The following RNF217 variants were observed in gnomAD, a reference collection of about 807,000 sequenced individuals.
The protein encoded by RNF217 is ring finger protein 217.
In RNF217, 31 loss-of-function variants were observed where a neutral mutation model predicts 57.8. That is an observed-to-expected ratio of 0.54 (90% CI 0.40 to 0.72). RNF217 has a LOEUF of 0.72. Ranked by LOEUF, RNF217 falls within the 30% of genes least tolerant of loss-of-function variation. The probability of loss-of-function intolerance (pLI) is 0.00; values close to 1 mark genes in which losing one functional copy is unlikely to be tolerated. For missense variants in RNF217, 696 were observed against 708.3 expected, an observed-to-expected ratio of 0.98 and a Z score of 0.20; for synonymous variants, 313 against 294.0, an observed-to-expected ratio of 1.06 and a Z score of -0.66.
rs902915278 is a variant in RNF217 at position 125,091,801 on chromosome 6, A to T, written c.*8864A>T. On this transcript the variant is annotated 3_prime_UTR_variant, in exon 6 of 6. Coordinates refer to ENST00000521654, the MANE Select transcript of RNF217 (RefSeq NM_001286398.3). ...ATATACTTTCATACAGATGCTAGAG[A>T]ACCATGGTGTCTGCTATTTACATGT... The T allele has an allele frequency of 6.6e-6, 1 of 152,138 alleles. No homozygotes were observed. The highest frequency in any genetic ancestry group is 1.5e-5 in the Non-Finnish European group (1 of 68,012). 9.4% of individuals were successfully genotyped at this position (152,138 alleles called of 1,614,324 possible).
At chr6:124,970,097 A>G (rs1783706494) in intron 1 of RNF217, among the ~76,000 whole-genome samples, 1 of 152,196 alleles carries the variant, frequency 6.6e-6, no homozygotes, top group Non-Finnish European at 1.5e-5. Flanking sequence ...AGGAGTGGGG[A>G]AAGCTGGTCG....
intron 1 of RNF217, among the ~76,000 whole-genome samples, chr6:125,028,498 G>A (rs1474589074): frequency 6.6e-6 from 1 of 151,918 alleles, no homozygotes; most frequent in Non-Finnish European, 1.5e-5. Context: ...TGAATATAGT[G>A]CAAAATTTCT....
At chr6:125,018,095 A>G (rs1376408965) in intron 1 of RNF217, among the ~76,000 whole-genome samples, 2 of 152,204 alleles carry the variant, frequency 1.3e-5, no homozygotes, top group Non-Finnish European at 2.9e-5. Context: ...GAATTGTTTA[A>G]GAAAAGTTGT....
At chr6:125,033,830 A>G (rs1332000179) in intron 1 of RNF217, among the ~76,000 whole-genome samples, 2 of 151,796 alleles carry the variant, frequency 1.3e-5, no homozygotes, top group African/African-American at 2.4e-5. Flanking sequence ...AAGTGTTCCT[A>G]TTTCTCCACA....
At position 125,081,516 on chromosome 6, in the gene RNF217, C is replaced by A. The variant is rs1017455533; in HGVS notation, c.1555+9C>A. The A allele has an allele frequency of 6.3e-7, 1 of 1,599,492 alleles. No homozygotes were observed. Among genetic ancestry groups the A allele is most frequent in the African/African-American group, 1.3e-5 (1 of 74,610 alleles). On this transcript the variant is annotated intron_variant, in intron 5 of 5. Transcript: ENST00000521654. ...CATAGCGGTTGTAATCGGTAAGAAA[C>A]ACTTCATGCATCTGAGATTAGAATT...
At chr6:125,015,808 A>G (rs1253461384) in intron 1 of RNF217, among the ~76,000 whole-genome samples, 2 of 152,132 alleles carry the variant, frequency 1.3e-5, no homozygotes, top group Non-Finnish European at 2.9e-5. Flanking sequence ...TTGCTGTACT[A>G]TTTCTAAGAA....
At chr6:125,050,583 T>C (rs1048479097) in intron 2 of RNF217, among the ~76,000 whole-genome samples, 3 of 152,012 alleles carry the variant, frequency 2.0e-5, no homozygotes, top group Non-Finnish European at 4.4e-5. Context: ...AATCGGTTGT[T>C]GCGAACTGGT....
chr6:125,007,292 C>CTGGT (rs1036713153), intron 1 of RNF217, among the ~76,000 whole-genome samples: 2 of 149,464 alleles, frequency 1.3e-5, no homozygotes, highest in Admixed American at 1.3e-4. Context: ...GTTGCCCAGG[C>CTGGT]TGGTGTGCAG....
At chr6:124,967,537 T>A (rs146748778) in intron 1 of RNF217, among the ~76,000 whole-genome samples, 259 of 152,224 alleles carry the variant, frequency 1.7e-3, no homozygotes, top group African/African-American at 5.8e-3. Flanking sequence ...TGCCTAAAAG[T>A]GCTAGAGATT....
chr6:125,004,343 G>A (rs1785091931), intron 1 of RNF217, among the ~76,000 whole-genome samples: 1 of 152,138 alleles, frequency 6.6e-6, no homozygotes, highest in Non-Finnish European at 1.5e-5. Flanking sequence ...CTCCATCCTA[G>A]TTAAGTGCCA....
At chr6:125,015,276 A>G (rs1422796642) in intron 1 of RNF217, among the ~76,000 whole-genome samples, 1 of 152,312 alleles carries the variant, frequency 6.6e-6, no homozygotes, top group East Asian at 1.9e-4. Flanking sequence ...TATCTTCATT[A>G]GATGTATTGA....
At chr6:125,054,148 C>G (rs888513451) in intron 2 of RNF217, among the ~76,000 whole-genome samples, 1 of 152,062 alleles carries the variant, frequency 6.6e-6, no homozygotes, top group African/African-American at 2.4e-5. Context: ...ACATCTACAT[C>G]CCTAATGGAA....
At chr6:125,063,064 A>G (rs1024128392) in intron 3 of RNF217, among the ~76,000 whole-genome samples, 1 of 152,196 alleles carries the variant, frequency 6.6e-6, no homozygotes. Flanking sequence ...AACCAAGTCT[A>G]GTTCGTAATA....
chr6:124,977,732 A>G (rs919385811), intron 1 of RNF217, among the ~76,000 whole-genome samples: 7 of 152,226 alleles, frequency 4.6e-5, no homozygotes, highest in African/African-American at 1.7e-4. Context: ...GTGCACAGTC[A>G]TATCATAAAG....
At chr6:124,966,910 T>G (rs1333989974) in intron 1 of RNF217, among the ~76,000 whole-genome samples, 2 of 152,242 alleles carry the variant, frequency 1.3e-5, no homozygotes, top group Admixed American at 6.5e-5. Flanking sequence ...TATAGTTTTG[T>G]TTTTCAAAAC....
chr6:125,001,783 G>T (rs1247863664), intron 1 of RNF217, among the ~76,000 whole-genome samples: 1 of 152,168 alleles, frequency 6.6e-6, no homozygotes. Context: ...TATTTGTGCT[G>T]AGAGAGGGAA....
chr6:125,090,360 A>G lies in RNF217; in HGVS notation c.*7423A>G, dbSNP rs1788900605. 1 of 152,082 alleles carries G rather than the reference A, an allele frequency of 6.6e-6. No individual in the cohort carries two copies. The highest frequency in any genetic ancestry group is 2.1e-4 in the South Asian group (1 of 4,832). 9.4% of individuals were successfully genotyped at this position (152,082 alleles called of 1,614,324 possible). On this transcript the variant is annotated 3_prime_UTR_variant, in exon 6 of 6. Transcript: ENST00000521654. ...GATGTTAAAATGTTAACAAAGAACCAGTTGTTTTGATTCTATTTTAAACAA... is the reference window on the plus strand; with the variant it reads ...GATGTTAAAATGTTAACAAAGAACCGGTTGTTTTGATTCTATTTTAAACAA...
At position 124,963,414 on chromosome 6, in the gene RNF217, C is replaced by T; in HGVS notation, c.870C>T (p.Tyr290=). ...KAVCEECLKV[Y]LSAQVQLGQV... ...TGTGCGAGGAGTGCCTCAAAGTCTACCTGAGCGCCCAGGTAACTTCACCCC... is the reference window on the plus strand; with the variant it reads ...TGTGCGAGGAGTGCCTCAAAGTCTATCTGAGCGCCCAGGTAACTTCACCCC... The change falls in exon 1 of 6, where the codon TAC becomes TAT. Residue 290 remains tyrosine (Y), a synonymous_variant. Transcript: ENST00000521654. 1 of 1,465,898 alleles carries T rather than the reference C, an allele frequency of 6.8e-7. No individual in the cohort carries two copies. Among genetic ancestry groups the T allele is most frequent in the South Asian group, 1.4e-5 (1 of 72,304 alleles). 90.8% of individuals were successfully genotyped at this position (1,465,898 alleles called of 1,614,324 possible). A position where few individuals can be genotyped will look rare whatever the true frequency, so the allele number is the denominator to read the frequency against.
At chr6:125,081,657 A>G in intron 5 of RNF217, 150 bp downstream of exon 5, 1 of 652,964 alleles carries the variant, frequency 1.5e-6, no homozygotes, top group Non-Finnish European at 2.6e-6. Flanking sequence ...TATCATTTAA[A>G]AGGTCAGAGG....
Sources: gnomAD v4.1 joint callset for allele counts (sites outside exome capture counted in the v4.1 genomes callset) on GRCh38, gnomAD v4.1.1 for gene constraint, MANE v1.5 for transcripts, NCBI Gene and HGNC (gene_info 2026-07-23, HGNC 2026-07-21) for gene names.